Variants in NEFH observed in about 807,000 individuals in gnomAD.
The protein encoded by NEFH is neurofilament heavy polypeptide.
Under a neutral mutation model 56.6 loss-of-function variants are expected in NEFH, and 58 were observed. The observed-to-expected ratio is 1.03, with a 90% CI of 0.83 to 1.28. The LOEUF (loss-of-function observed/expected upper bound fraction) is 1.28, where lower values mean the gene tolerates loss of function less well. Among genes scored for constraint, NEFH ranks in the 50% most tolerant of loss-of-function variants. NEFH has a pLI of 0.00. For missense variants in NEFH, 1,221 were observed against 1,307.6 expected, an observed-to-expected ratio of 0.93 and a Z score of 1.02; for synonymous variants, 542 against 545.8, an observed-to-expected ratio of 0.99 and a Z score of 0.10.
rs1369720016 is a variant in NEFH at position 29,491,079 on chromosome 22, A to G, written c.*376A>G. The G allele has an allele frequency of 5.4e-6, 2 of 370,270 alleles. No homozygotes were observed. The highest frequency in any genetic ancestry group is 1.0e-5 in the Non-Finnish European group (2 of 192,922). 22.9% of individuals were successfully genotyped at this position (370,270 alleles called of 1,614,324 possible). ...CCGCAATAATGAATGAGCAGTTAGA[A>G]ATACATTATGCTTGAGATGTCTTAA... is the stretch of plus-strand genomic sequence containing the variant. On this transcript the variant is annotated 3_prime_UTR_variant, in exon 4 of 4. Transcript: ENST00000310624.
In NEFH at chr22:29,488,989, C is replaced by G; in HGVS notation, c.1349C>G (p.Ser450Cys). 6.2e-7 allele frequency: 1 copy of G among 1,614,026 alleles called. No individual in the cohort carries two copies. The highest frequency in any genetic ancestry group is 8.5e-7 in the Non-Finnish European group (1 of 1,180,018). The change falls in exon 4 of 4, where the codon TCT becomes TGT. Residue 450 changes from serine to cysteine, a missense_variant. Ser to Cys is a moderately radical substitution (Grantham distance 112). Coordinates refer to ENST00000310624, the MANE Select transcript of NEFH (RefSeq NM_021076.4). ...SEEKIKVVEK[S>C]EKETVIVEEQ... ...GAGAAGATCAAAGTGGTGGAGAAGT[C>G]TGAGAAAGAAACTGTGATTGTGGAG...
intron 2 of NEFH, among the ~76,000 whole-genome samples, chr22:29,485,206 A>G (rs913417474): frequency 2.6e-5 from 4 of 152,086 alleles, no homozygotes; most frequent in Non-Finnish European, 4.4e-5. Context: ...GGGTTCAAGC[A>G]ATTCTCCTGT....
In NEFH at chr22:29,480,705, G is replaced by C; in HGVS notation, c.443G>C (p.Arg148Pro). Reference protein sequence around the residue: ...GRSAMGELYEREVREMRGAVL... With the variant: ...GRSAMGELYEPEVREMRGAVL... ...TCCGCTATGGGCGAGCTGTACGAGC[G>C]CGAGGTCCGCGAGATGCGCGGCGCG... The change falls in exon 1 of 4, where the codon CGC becomes CCC. Residue 148 changes from arginine (R) to proline (P), a missense_variant. Around this residue, in one of 4 missense-constraint regions of NEFH, gnomAD observed 640 missense variants for 555.5 expected, o/e 1.15. Coordinates refer to ENST00000310624, the MANE Select transcript of NEFH (RefSeq NM_021076.4). 6 of 1,519,392 alleles carry C rather than the reference G, an allele frequency of 3.9e-6. No homozygotes were observed. The highest frequency in any genetic ancestry group is 5.3e-6 in the Non-Finnish European group (6 of 1,141,962). 94.1% of individuals were successfully genotyped at this position (1,519,392 alleles called of 1,614,324 possible).
At position 29,490,022 on chromosome 22, in the gene NEFH, G is replaced by A. The variant is rs774358079; in HGVS notation, c.2382G>A (p.Lys794=). ...AAAGCCCTGTCAAGGAGGAGGTCAA[G>A]TCCCCAGAGAAGGCGAAATCTCCCC... ...KAKSPVKEEV[K]SPEKAKSPLK... The change falls in exon 4 of 4, where the codon AAG becomes AAA. Residue 794 remains lysine (K), a synonymous_variant. Transcript: ENST00000310624. 7 of 1,613,834 alleles carry A rather than the reference G, an allele frequency of 4.3e-6. No individual in the cohort carries two copies. In the East Asian group the frequency reaches 6.7e-5, roughly 15 times the overall value.
intron 1 of NEFH, among the ~76,000 whole-genome samples, chr22:29,482,678 G>A (rs1488318801): frequency 6.6e-6 from 1 of 152,230 alleles, no homozygotes; most frequent in Non-Finnish European, 1.5e-5. Flanking sequence ...CAAACCTGCA[G>A]CCTCCAGCTC....
Position 29,489,680 on chromosome 22 carries a change from C to A in NEFH, c.2040C>A (p.Ala680=), listed in dbSNP as rs765863811. The change falls in exon 4 of 4, where the codon GCC becomes GCA. Residue 680 remains alanine (A), a synonymous_variant. Coordinates refer to ENST00000310624, the MANE Select transcript of NEFH (RefSeq NM_021076.4). ...VKAEAKSPEK[A]KSPVKAEAKS... ...CAGAAGCAAAGTCCCCTGAGAAGGC[C>A]AAGTCCCCAGTGAAGGCAGAAGCAA... is the stretch of plus-strand genomic sequence containing the variant. 2 of 1,604,642 alleles carry A rather than the reference C, an allele frequency of 1.2e-6. No homozygotes were observed. The highest frequency in any genetic ancestry group is 1.7e-6 in the Non-Finnish European group (2 of 1,178,120).
rs1362256760 is a variant in NEFH, at chr22:29,480,522, G to A, written c.260G>A (p.Cys87Tyr). 6.5e-7 allele frequency: 1 copy of A among 1,536,174 alleles called. No homozygotes were observed. Among genetic ancestry groups the A allele is most frequent in the Non-Finnish European group, 8.7e-7 (1 of 1,147,682 alleles). ...ACGCTGAGCAACGGGCCGGAGGGCT[G>A]CATGGTGGCGGTGGCCACCTCACGC... ...LDTLSNGPEG[C>Y]MVAVATSRSE... Residue 87 changes from cysteine to tyrosine, a missense_variant, in exon 1 of 4, where the codon TGC (cysteine) becomes TAC (tyrosine). Around this residue, in one of 4 missense-constraint regions of NEFH, gnomAD observed 640 missense variants for 555.5 expected, o/e 1.15. Coordinates refer to ENST00000310624, the MANE Select transcript of NEFH (RefSeq NM_021076.4).
chr22:29,485,034 C>T (rs1311918764), intron 2 of NEFH, among the ~76,000 whole-genome samples: 1 of 152,108 alleles, frequency 6.6e-6, no homozygotes, highest in African/African-American at 2.4e-5. Context: ...TGAGGTCTCA[C>T]TGTGTTGCCC....
rs755046912 is a variant in NEFH, at chr22:29,490,918, G to A, written c.*215G>A. 2.9e-5 allele frequency: 23 copies of A among 801,930 alleles called. No homozygotes were observed. The highest frequency in any genetic ancestry group is 4.0e-5 in the Non-Finnish European group (20 of 506,140). The allele number at this position is 801,930 out of a possible 1,614,324, so 49.7% of individuals were successfully genotyped here. On this transcript the variant is annotated 3_prime_UTR_variant, in exon 4 of 4. Coordinates refer to ENST00000310624, the MANE Select transcript of NEFH (RefSeq NM_021076.4). ...CCCTGCCCCCAGGCCCTCCCCAGGCGATGGACAATTATGATAGCTTATGTA... is the reference window on the plus strand; with the variant it reads ...CCCTGCCCCCAGGCCCTCCCCAGGCAATGGACAATTATGATAGCTTATGTA...
In NEFH at chr22:29,481,005, C is replaced by G. The variant is rs781450686; in HGVS notation, c.743C>G (p.Ser248Cys). The change falls in exon 1 of 4, where the codon TCC becomes TGC. Residue 248 changes from serine to cysteine, a missense_variant. Ser to Cys is a moderately radical substitution (Grantham distance 112, BLOSUM62 -1). Coordinates refer to ENST00000310624, the MANE Select transcript of NEFH (RefSeq NM_021076.4). ...GAGCTGCTCGGCCAGATCCAGGGCT[C>G]CGGCGCCGCGCAGGCGCAGATGCAG... ...VGELLGQIQG[S>C]GAAQAQMQAE... 9 of 1,531,684 alleles carry G rather than the reference C, an allele frequency of 5.9e-6. 1 individual carries two copies. In the Middle Eastern group the frequency reaches 1.0e-3, roughly 170 times the overall value. The allele number at this position is 1,531,684 out of a possible 1,614,324, so 94.9% of individuals were successfully genotyped here.
At position 29,490,349 on chromosome 22, in the gene NEFH, C is replaced by T. The variant is rs770756540; in HGVS notation, c.2709C>T (p.Val903=). The T allele has an allele frequency of 6.2e-7, 1 of 1,613,154 alleles. No homozygotes were observed. Among genetic ancestry groups the T allele is most frequent in the South Asian group, 1.1e-5 (1 of 90,990 alleles). ...AAGAGGCTGAAGATAAGAAAAAAGT[C>T]CCCACCCCAGAGAAGGAGGCTCCTG... ...KKEEAEDKKK[V]PTPEKEAPAK... The change falls in exon 4 of 4, where the codon GTC becomes GTT. Residue 903 remains valine, a synonymous_variant. Transcript: ENST00000310624.
At chr22:29,488,479 TA>T (rs1318402928) in intron 3 of NEFH, among the ~76,000 whole-genome samples, 10 of 152,316 alleles carry the variant, frequency 6.6e-5, no homozygotes, top group African/African-American at 2.4e-4. Flanking sequence ...TAACTTTTGT[TA>T]AATTTATTTA....
intron 3 of NEFH, among the ~76,000 whole-genome samples, chr22:29,486,508 G>A (rs1350416893): frequency 6.7e-6 from 1 of 148,440 alleles, no homozygotes; most frequent in Non-Finnish European, 1.5e-5. Flanking sequence ...TTTACTCTGA[G>A]AGACATGAGT....
chr22:29,486,603 A>G (rs562849101), intron 3 of NEFH, among the ~76,000 whole-genome samples: 97 of 146,116 alleles, frequency 6.6e-4, no homozygotes, highest in African/African-American at 2.4e-3. Flanking sequence ...GCTCACTGCA[A>G]CCTCTGTGTC....
In NEFH at chr22:29,483,632, A is replaced by G. The variant is rs2063026227; in HGVS notation, c.1083+58A>G. ...CTTACCTGATTGGGTAGCCCTGGAC[A>G]AGTTACTGTCCCTCACTGAGTGGGG... On this transcript the variant is annotated intron_variant, in intron 2 of 3. Transcript: ENST00000310624. 57 of 1,560,056 alleles carry G rather than the reference A, an allele frequency of 3.7e-5. 1 individual carries two copies. The South Asian group carries it at 6.3e-4, about 17-fold the overall frequency.
At chr22:29,488,523 G>A (rs1218034423) in intron 3 of NEFH, among the ~76,000 whole-genome samples, 1 of 152,068 alleles carries the variant, frequency 6.6e-6, no homozygotes, top group Non-Finnish European at 1.5e-5. Context: ...TTTTTATGGG[G>A]CAAAAGTTGT....
chr22:29,489,394 A>C lies in NEFH; in HGVS notation c.1754A>C (p.Lys585Thr). ...PAEVKSPEKA[K>T]SPAKEEAKSP... is the part of the protein sequence containing the mutation. ...GAGGTCAAGTCCCCCGAGAAGGCCAAGTCCCCAGCAAAGGAAGAGGCAAAG... is the reference window on the plus strand; with the variant it reads ...GAGGTCAAGTCCCCCGAGAAGGCCACGTCCCCAGCAAAGGAAGAGGCAAAG... Residue 585 changes from lysine (K) to threonine (T), a missense_variant, in exon 4 of 4, where the codon AAG becomes ACG. Lys to Thr is a moderately conservative substitution (Grantham distance 78). Around this residue, in one of 4 missense-constraint regions of NEFH, gnomAD observed 243 missense variants for 299.1 expected, o/e 0.81. Coordinates refer to ENST00000310624, the MANE Select transcript of NEFH (RefSeq NM_021076.4). 5 of 1,613,202 alleles carry C rather than the reference A, an allele frequency of 3.1e-6. No individual in the cohort carries two copies. Among genetic ancestry groups the C allele is most frequent in the Non-Finnish European group, 3.4e-6 (4 of 1,179,348 alleles).
intron 1 of NEFH, 36 bp downstream of exon 1, chr22:29,481,181 T>TGCTGACCCC: frequency 6.6e-7 from 1 of 1,521,620 alleles, no homozygotes; most frequent in South Asian, 1.2e-5. Context: ...GGGGCGCCCC[T>TGCTGACCCC]GCTGACCCCG....
intron 1 of NEFH, among the ~76,000 whole-genome samples, chr22:29,481,612 C>T (rs1345091418): frequency 6.6e-6 from 1 of 152,216 alleles, no homozygotes; most frequent in Non-Finnish European, 1.5e-5. Flanking sequence ...TCACCCCTAC[C>T]AGGCTCCTTC....
Sources: gnomAD v4.1 joint callset for allele counts (sites outside exome capture counted in the v4.1 genomes callset) on GRCh38, gnomAD v4.1.1 for gene constraint, gnomAD v4.1.1 regional missense constraint, MANE v1.5 for transcripts, NCBI Gene and HGNC (gene_info 2026-07-23, HGNC 2026-07-21) for gene names.